SLC16A11: variants seen among roughly 807,000 people sequenced by gnomAD.
SLC16A11 encodes monocarboxylate transporter 11.
In SLC16A11, 24 loss-of-function variants were observed where a neutral mutation model predicts 26.0. The ratio of observed to expected loss-of-function variants is 0.92; its 90% confidence interval spans 0.67 to 1.30. SLC16A11 has a LOEUF of 1.30. Ranked by LOEUF, SLC16A11 falls within the 50% of genes most tolerant of loss-of-function variation. The probability of loss-of-function intolerance (pLI) is 0.00; values close to 1 mark genes in which losing one functional copy is unlikely to be tolerated. For synonymous variants in SLC16A11, 332 were observed against 296.0 expected (o/e 1.12, Z -1.25); for missense variants, 638 against 597.7 (o/e 1.07, Z -0.70).
intron 4 of SLC16A11, 43 bp from the exon 5 acceptor site, chr17:7,041,951 G>A (rs1446910398): frequency 1.2e-6 from 2 of 1,607,442 alleles, no homozygotes; most frequent in African/African-American, 1.3e-5. Flanking sequence ...CGAACCCCAG[G>A]GGCAGAGGAT....
chr17:7,043,050 T>C lies in SLC16A11; in HGVS notation c.226A>G (p.Thr76Ala), dbSNP rs923922237. Reference sequence around the variant, plus strand: ...ACCACGGGGCGGGCCCCCCAGCGCGTGCTCAGGGCGCTGCCCACGGGGCCT... The same window carrying C: ...ACCACGGGGCGGGCCCCCCAGCGCGCGCTCAGGGCGCTGCCCACGGGGCCT... ...AASPVGSALS[T>A]RWGARPVVMV... Residue 76 changes from threonine (T) to alanine (A), a missense_variant, in exon 3 of 5, where the codon ACG (threonine) becomes GCG (alanine). Transcript: ENST00000574600. The C allele has an allele frequency of 5.1e-6, 8 of 1,563,430 alleles. No individual in the cohort carries two copies. The highest frequency in any genetic ancestry group is 2.7e-5 in the African/African-American group (2 of 73,606).
At chr17:7,043,290 C>T (rs772610450) in intron 2 of SLC16A11, 22 bp downstream of exon 2, 1 of 1,592,242 alleles carries the variant, frequency 6.3e-7, no homozygotes, top group South Asian at 1.1e-5. Flanking sequence ...GTTCCTGTCT[C>T]CCGCCTCAGG....
chr17:7,042,684 C>G lies in SLC16A11; in HGVS notation c.426G>C (p.Val142=), dbSNP rs751780767. The G allele has an allele frequency of 6.4e-7, 1 of 1,553,474 alleles. No homozygotes were observed. The highest frequency in any genetic ancestry group is 8.7e-7 in the Non-Finnish European group (1 of 1,153,630). The change falls in exon 4 of 5, where the codon GTG becomes GTC. Residue 142 remains valine (V), a synonymous_variant. Coordinates refer to ENST00000574600, the MANE Select transcript of SLC16A11 (RefSeq NM_001370549.1). This position sits in a 1 kb window ranked among gnomAD's most constrained non-coding sequence, Gnocchi z 5.9. ...CCCCGTTGCCGGTGAGCGCCAGCCC[C>G]ACCGCCAAGACTCGACGGCGGGAGA... is the stretch of plus-strand genomic sequence containing the variant. ...RYFSRRRVLA[V]GLALTGNGAS...
In SLC16A11 at chr17:7,041,839, C is replaced by T. The variant is rs1259152373; in HGVS notation, c.1184G>A (p.Gly395Asp). Residue 395 changes from glycine to aspartate, a missense_variant, in exon 5 of 5, where the codon GGC becomes GAC. Gly to Asp is a moderately conservative substitution (Grantham distance 94). Coordinates refer to ENST00000574600, the MANE Select transcript of SLC16A11 (RefSeq NM_001370549.1). ...GGGCAACCCTATGTAGATGAAGCTG[C>T]CGGAGAGGATCAAAGAACCAGACAG... Reference protein sequence around the residue: ...FLLSGSLILSGSFIYIGLPRA... With the variant: ...FLLSGSLILSDSFIYIGLPRA... The T allele has an allele frequency of 2.5e-6, 4 of 1,613,924 alleles. No individual in the cohort carries two copies. The highest frequency in any genetic ancestry group is 1.1e-5 in the South Asian group (1 of 91,078).
chr17:7,042,286 C>A lies in SLC16A11; in HGVS notation c.824G>T (p.Trp275Leu). The change falls in exon 4 of 5, where the codon TGG becomes TTG. Residue 275 changes from tryptophan (W) to leucine (L), a missense_variant. Trp to Leu is a moderately conservative substitution (Grantham distance 61, BLOSUM62 -2). Transcript: ENST00000574600. The surrounding 1 kb of genome is among the most constrained non-coding windows in gnomAD (Gnocchi z 5.9). ...GDAGARLVCG[W>L]LADQGWVPLP... ...GGGCACCCAGCCTTGGTCTGCCAGCCACCCGCAGACCAGCCGGGCGCCCGC... is the reference window on the plus strand; with the variant it reads ...GGGCACCCAGCCTTGGTCTGCCAGCAACCCGCAGACCAGCCGGGCGCCCGC... 6.4e-7 allele frequency: 1 copy of A among 1,565,014 alleles called. No individual in the cohort carries two copies. The highest frequency in any genetic ancestry group is 8.7e-7 in the Non-Finnish European group (1 of 1,155,202).
In SLC16A11 at chr17:7,042,788, G is replaced by A. The variant is rs1910823592; in HGVS notation, c.347-25C>T. 1.3e-6 allele frequency: 2 copies of A among 1,542,108 alleles called. No individual in the cohort carries two copies. The highest frequency in any genetic ancestry group is 2.0e-5 in the Admixed American group (1 of 50,906). On this transcript the variant is annotated intron_variant, in intron 3 of 4. Coordinates refer to ENST00000574600, the MANE Select transcript of SLC16A11 (RefSeq NM_001370549.1). This position sits in a 1 kb window ranked among gnomAD's most constrained non-coding sequence, Gnocchi z 5.9. ...CCTGCGAATGAATAGGAGGGGATGG[G>A]GGCCGGCACTGGGGACGCCCGCCCC...
intron 2 of SLC16A11, 103 bp downstream of exon 2, chr17:7,043,209 G>A (rs888995476): frequency 2.0e-6 from 3 of 1,492,470 alleles, no homozygotes; most frequent in Non-Finnish European, 2.7e-6. Context: ...TTCTAGAGCC[G>A]GTTGCCCTTT....
At position 7,043,322 on chromosome 17, in the gene SLC16A11, C is replaced by G. The variant is rs759591467; in HGVS notation, c.192G>C (p.Gln64His). The change falls in exon 2 of 5, where the codon CAG becomes CAC. Residue 64 changes from glutamine to histidine, a missense_variant. By Grantham distance (24) the Gln-to-His change is conservative. Coordinates refer to ENST00000574600, the MANE Select transcript of SLC16A11 (RefSeq NM_001370549.1). The part of the protein sequence containing the change: ...AWISALALAV[Q>H]QAASPVGSAL... ...CAGGGCCCCCCTCACTGGCTGCCTG[C>G]TGCACGGCCAGGGCCAGGGCGCTGA... is the stretch of plus-strand genomic sequence containing the variant. 1 of 1,605,740 alleles carries G rather than the reference C, an allele frequency of 6.2e-7. No individual in the cohort carries two copies. The highest frequency in any genetic ancestry group is 1.7e-5 in the Admixed American group (1 of 59,722).
chr17:7,043,419 A>G lies in SLC16A11; in HGVS notation c.95T>C (p.Leu32Pro), dbSNP rs763119915. 76 of 1,603,508 alleles carry G rather than the reference A, an allele frequency of 4.7e-5. No individual in the cohort carries two copies. The highest frequency in any genetic ancestry group is 3.4e-5 in the Non-Finnish European group (40 of 1,178,028). Residue 32 changes from leucine (L) to proline (P), a missense_variant, in exon 2 of 5, where the codon CTG becomes CCG. Coordinates refer to ENST00000574600, the MANE Select transcript of SLC16A11 (RefSeq NM_001370549.1). ...AGGGAAGGCAAGGCCCAGCGAGCGC[A>G]GCAGCCCGTAGGACAGCCCGTTTAT... ...FAINGLSYGL[L>P]RSLGLAFPDL...
At position 7,043,080 on chromosome 17, in the gene SLC16A11, G is replaced by C; in HGVS notation, c.203-7C>G. 1 of 1,530,898 alleles carries C rather than the reference G, an allele frequency of 6.5e-7. No individual in the cohort carries two copies. Among genetic ancestry groups the C allele is most frequent in the Non-Finnish European group, 8.8e-7 (1 of 1,139,212 alleles). The allele number at this position is 1,530,898 out of a possible 1,614,324, so 94.8% of individuals were successfully genotyped here. The stretch of plus-strand genomic sequence containing the variant: ...AGGGCGCTGCCCACGGGGCCTGAAA[G>C]GGGGCGGAGTCAACGGAAGACACGC... On this transcript the variant is annotated splice_region_variant and splice_polypyrimidine_tract_variant and intron_variant, in intron 2 of 4. Transcript: ENST00000574600.
At position 7,043,303 on chromosome 17, in the gene SLC16A11, C is replaced by G. The variant is rs1157077281; in HGVS notation, c.202+9G>C. The G allele has an allele frequency of 6.2e-7, 1 of 1,600,604 alleles. No homozygotes were observed. Among genetic ancestry groups the G allele is most frequent in the Admixed American group, 1.7e-5 (1 of 59,364 alleles). The stretch of plus-strand genomic sequence containing the variant: ...CCGTTCCTGTCTCCCGCCTCAGGGC[C>G]CCCCTCACTGGCTGCCTGCTGCACG... On this transcript the variant is annotated intron_variant, in intron 2 of 4. Transcript: ENST00000574600.
At position 7,043,170 on chromosome 17, in the gene SLC16A11, T is replaced by C. The variant is rs1910844371; in HGVS notation, c.203-97A>G. Reference sequence around the variant, plus strand: ...TGTTTGCCTCCCTCGAACTAATGGTTCTTCTCCTTGACCTCAAGATGCACT... The same window carrying C: ...TGTTTGCCTCCCTCGAACTAATGGTCCTTCTCCTTGACCTCAAGATGCACT... On this transcript the variant is annotated intron_variant, in intron 2 of 4. Coordinates refer to ENST00000574600, the MANE Select transcript of SLC16A11 (RefSeq NM_001370549.1). 4 of 1,459,456 alleles carry C rather than the reference T, an allele frequency of 2.7e-6. No individual in the cohort carries two copies. In the Admixed American group the frequency reaches 1.1e-4, roughly 39 times the overall value. 90.4% of individuals were successfully genotyped at this position (1,459,456 alleles called of 1,614,324 possible). A position where few individuals can be genotyped will look rare whatever the true frequency, so the allele number is the denominator to read the frequency against.
Position 7,042,933 on chromosome 17 carries a change from C to A in SLC16A11, c.343G>T (p.Ala115Ser), listed in dbSNP as rs199749576. 6.2e-7 allele frequency: 1 copy of A among 1,613,206 alleles called. No homozygotes were observed. Among genetic ancestry groups the A allele is most frequent in the Non-Finnish European group, 8.5e-7 (1 of 1,179,878 alleles). ...CCGGGCATCCCACTTCCCTCACCAG[C>A]GAGGAGGCCCAGGCCGAGGTAGAGA... ...LHLYLGLGLLAGFGWALVFAP... is the reference protein window; with the variant it reads ...LHLYLGLGLLSGFGWALVFAP... The change falls in exon 3 of 5, where the codon GCT (alanine) becomes TCT (serine). Residue 115 changes from alanine (A) to serine (S), a missense_variant. Physicochemically the swap from Ala to Ser is moderately conservative, Grantham distance 99. Transcript: ENST00000574600. The surrounding 1 kb of genome is among the most constrained non-coding windows in gnomAD (Gnocchi z 5.9).
Position 7,043,300 on chromosome 17 carries a change from G to C in SLC16A11, c.202+12C>G, listed in dbSNP as rs762057530. 1.9e-6 allele frequency: 3 copies of C among 1,599,204 alleles called. No individual in the cohort carries two copies. Among genetic ancestry groups the C allele is most frequent in the Admixed American group, 1.7e-5 (1 of 59,214 alleles). On this transcript the variant is annotated intron_variant, in intron 2 of 4. Transcript: ENST00000574600. The stretch of plus-strand genomic sequence containing the variant: ...TCCCCGTTCCTGTCTCCCGCCTCAG[G>C]GCCCCCCTCACTGGCTGCCTGCTGC...
At position 7,043,503 on chromosome 17, in the gene SLC16A11, T is replaced by TG. The variant is rs139324407; in HGVS notation, c.10dup (p.Gln4ProfsTer38). 3.1e-6 allele frequency: 5 copies of TG among 1,598,606 alleles called. No homozygotes were observed. The highest frequency in any genetic ancestry group is 2.7e-5 in the African/African-American group (2 of 74,852). On this transcript the variant is annotated frameshift_variant, in exon 2 of 5. Coordinates refer to ENST00000574600, the MANE Select transcript of SLC16A11 (RefSeq NM_001370549.1). LOFTEE classifies it high-confidence loss of function. ...GCCCCCATCCGGGGGTCCGGCGGGCTGGGGGGTCATCGCCGTCTGCGGGGT... is the reference window on the plus strand; with the variant it reads ...GCCCCCATCCGGGGGTCCGGCGGGCTGGGGGGGTCATCGCCGTCTGCGGGGT...
rs1910785962 is a variant in SLC16A11, at chr17:7,042,345, T to C, written c.765A>G (p.Ala255=). ...ALDRGLGGYG[A]ALVVAVAAMG... is the part of the protein sequence containing the mutation. ...TCGCAGCCACGGCCACCACCAGCGCTGCTCCGTATCCCCCCAGGCCCCGGT... is the reference window on the plus strand; with the variant it reads ...TCGCAGCCACGGCCACCACCAGCGCCGCTCCGTATCCCCCCAGGCCCCGGT... The change falls in exon 4 of 5, where the codon GCA becomes GCG. Residue 255 remains alanine, a synonymous_variant. Coordinates refer to ENST00000574600, the MANE Select transcript of SLC16A11 (RefSeq NM_001370549.1). This position sits in a 1 kb window ranked among gnomAD's most constrained non-coding sequence, Gnocchi z 5.9. 1 of 1,558,226 alleles carries C rather than the reference T, an allele frequency of 6.4e-7. No homozygotes were observed. The highest frequency in any genetic ancestry group is 1.9e-5 in the Admixed American group (1 of 53,336).
rs1379466298 is a variant in SLC16A11, at chr17:7,043,301, GCC to G, written c.202+9_202+10del. On this transcript the variant is annotated intron_variant, in intron 2 of 4. Transcript: ENST00000574600. ...CCCCGTTCCTGTCTCCCGCCTCAGG[GCC>G]CCCCTCACTGGCTGCCTGCTGCACG... 1 of 1,599,550 alleles carries G rather than the reference GCC, an allele frequency of 6.3e-7. No homozygotes were observed. Among genetic ancestry groups the G allele is most frequent in the South Asian group, 1.1e-5 (1 of 90,484 alleles).
chr17:7,041,889 T>C lies in SLC16A11; in HGVS notation c.1134A>G (p.Thr378=), dbSNP rs747934148. ...PPLSGFLRDE[T]GDFTASFLLS... is the part of the protein sequence containing the mutation. ...GGAGGAAAGAGGCGGTGAAGTCTCC[T>C]GTCTCATCCCTTAGGAAGCCTGAGG... is the stretch of plus-strand genomic sequence containing the variant. Residue 378 remains threonine (T), a synonymous_variant, in exon 5 of 5, where the codon ACA becomes ACG. Coordinates refer to ENST00000574600, the MANE Select transcript of SLC16A11 (RefSeq NM_001370549.1). 1.2e-6 allele frequency: 2 copies of C among 1,613,960 alleles called. No homozygotes were observed. Among genetic ancestry groups the C allele is most frequent in the Non-Finnish European group, 1.7e-6 (2 of 1,179,928 alleles).
intron 2 of SLC16A11, 28 bp from the exon 3 acceptor site, chr17:7,043,101 C>T: frequency 1.3e-6 from 2 of 1,501,180 alleles, no homozygotes; most frequent in Non-Finnish European, 1.8e-6. Flanking sequence ...CAACGGAAGA[C>T]ACGCCCCCGG....
Sources: gnomAD v4.1 joint callset for allele counts on GRCh38, gnomAD v4.1.1 for gene constraint, Gnocchi (gnomAD v3.1) non-coding constraint, MANE v1.5 for transcripts, NCBI Gene and HGNC (gene_info 2026-07-23, HGNC 2026-07-21) for gene names.